Variants in SLC39A10 observed in about 807,000 individuals in gnomAD.
The protein encoded by SLC39A10 is solute carrier family 39 member 10, also known as zinc transporter ZIP10.
Under a neutral mutation model 65.1 loss-of-function variants are expected in SLC39A10, and 13 were observed. That is an observed-to-expected ratio of 0.20 (90% CI 0.13 to 0.32). SLC39A10 has a LOEUF of 0.32. Ranked by LOEUF, SLC39A10 falls within the 10% of genes least tolerant of loss-of-function variation. SLC39A10 has a pLI of 1.00. For missense variants in SLC39A10, 831 were observed against 1,018.4 expected (o/e 0.82, Z 2.50); for synonymous variants, 321 against 342.2 (o/e 0.94, Z 0.68).
chr2:195,641,842 C>T (rs1290714365), intron 2 of SLC39A10, among the ~76,000 whole-genome samples: 1 of 152,098 alleles, frequency 6.6e-6, no homozygotes, highest in Non-Finnish European at 1.5e-5. Flanking sequence ...CAGACGTGCA[C>T]CACCACACCT....
At chr2:195,657,584 C>T (rs1403192391) in intron 1 of SLC39A10, 13 of 982,296 alleles carry the variant, frequency 1.3e-5, no homozygotes, top group Non-Finnish European at 1.5e-5. Flanking sequence ...TGCGGAGCCT[C>T]GCGCCCCCCT....
chr2:195,692,693 CTT>C, intron 3 of SLC39A10, among the ~76,000 whole-genome samples: 1 of 152,102 alleles, frequency 6.6e-6, no homozygotes, highest in Non-Finnish European at 1.5e-5. Flanking sequence ...TATCCTGAAA[CTT>C]TGCTGAATTC....
intron 3 of SLC39A10, among the ~76,000 whole-genome samples, chr2:195,700,884 G>C (rs547500098): frequency 6.6e-6 from 1 of 151,886 alleles, no homozygotes; most frequent in Non-Finnish European, 1.5e-5. Context: ...AATATGTCTT[G>C]GTGTGGGTCT....
At position 195,716,961 on chromosome 2, in the gene SLC39A10, T is replaced by C; in HGVS notation, c.2021T>C (p.Ile674Thr). Reference protein sequence around the residue: ...TGIANIAWMVIMGDGIHNFSD... With the variant: ...TGIANIAWMVTMGDGIHNFSD... ...ATAGCTAATATAGCCTGGATGGTGATCATGGGGGATGGCATCCACAACTTC... is the reference window on the plus strand; with the variant it reads ...ATAGCTAATATAGCCTGGATGGTGACCATGGGGGATGGCATCCACAACTTC... The change falls in exon 7 of 10, where the codon ATC becomes ACC. Residue 674 changes from isoleucine to threonine, a missense_variant. Transcript: ENST00000359634. 6.2e-7 allele frequency: 1 copy of C among 1,614,148 alleles called. No homozygotes were observed. Among genetic ancestry groups the C allele is most frequent in the Non-Finnish European group, 8.5e-7 (1 of 1,180,016 alleles).
At chr2:195,693,434 G>A (rs935611508) in intron 3 of SLC39A10, among the ~76,000 whole-genome samples, 4 of 152,292 alleles carry the variant, frequency 2.6e-5, no homozygotes, top group African/African-American at 9.6e-5. Flanking sequence ...GAATTCAGCT[G>A]TGAATCTGTC....
intron 3 of SLC39A10, among the ~76,000 whole-genome samples, chr2:195,699,555 T>C (rs1216875923): frequency 6.6e-6 from 1 of 152,120 alleles, no homozygotes; most frequent in Non-Finnish European, 1.5e-5. Context: ...TTGTTAAGAA[T>C]ATGTTGTTTA....
chr2:195,668,827 C>CA (rs1325325462), intron 1 of SLC39A10, among the ~76,000 whole-genome samples: 1 of 152,100 alleles, frequency 6.6e-6, no homozygotes, highest in Non-Finnish European at 1.5e-5. Flanking sequence ...CTTTGGGTCA[C>CA]ATCCCAGCAC....
chr2:195,699,237 A>G (rs1464528628), intron 3 of SLC39A10, among the ~76,000 whole-genome samples: 3 of 151,980 alleles, frequency 2.0e-5, no homozygotes, highest in African/African-American at 7.2e-5. Flanking sequence ...ATCTTTTCCA[A>G]GAATCAACTA....
At chr2:195,692,287 C>G (rs2105788993) in intron 3 of SLC39A10, among the ~76,000 whole-genome samples, 1 of 152,266 alleles carries the variant, frequency 6.6e-6, no homozygotes, top group Admixed American at 6.5e-5. Flanking sequence ...GTGATACCTC[C>G]AGATTTGTTC....
chr2:195,713,366 A>G (rs954131447), intron 5 of SLC39A10, 67 bp from the exon 6 acceptor site: 8 of 1,309,498 alleles, frequency 6.1e-6, no homozygotes, highest in East Asian at 2.7e-5. Flanking sequence ...TAATGAGTCA[A>G]TATTGTTGCT....
chr2:195,666,934 T>C (rs1260057950), intron 1 of SLC39A10, among the ~76,000 whole-genome samples: 1 of 152,214 alleles, frequency 6.6e-6, no homozygotes, highest in Admixed American at 6.5e-5. Flanking sequence ...GGTTCCAGGT[T>C]CCCTGTAATG....
chr2:195,696,759 A>G (rs1690978464), intron 3 of SLC39A10, among the ~76,000 whole-genome samples: 1 of 152,140 alleles, frequency 6.6e-6, no homozygotes, highest in Admixed American at 6.5e-5. Context: ...TATATATTGT[A>G]TATTCTTAGA....
At chr2:195,688,447 C>T (rs1301001226) in intron 3 of SLC39A10, among the ~76,000 whole-genome samples, 2 of 152,084 alleles carry the variant, frequency 1.3e-5, no homozygotes, top group Non-Finnish European at 2.9e-5. Context: ...AAACAACTTC[C>T]CATTTCTGCT....
rs1165531664 is a variant in SLC39A10 at position 195,681,384 on chromosome 2, GGCA to G, written c.1008+335_1008+337del. Among the ~76,000 whole-genome samples, 3 of 152,024 alleles carry G rather than the reference GGCA, an allele frequency of 2.0e-5. No homozygotes were observed. The South Asian group carries it at 6.2e-4, about 31-fold the overall frequency. On this transcript the variant is annotated intron_variant, in intron 2 of 9. Coordinates refer to ENST00000359634, the MANE Select transcript of SLC39A10 (RefSeq NM_020342.3). The stretch of plus-strand genomic sequence containing the variant: ...TACTAAAAATACAAAAAATTAGCGG[GGCA>G]TGGTGGCGGGCGCCTGTAGCCCCAG...
Position 195,716,639 on chromosome 2 carries a change from A to G in SLC39A10, c.1699A>G (p.Thr567Ala), listed in dbSNP as rs1194384866. ...CATATCCTTTGCTATAAATACAGGA[A>G]CTGATGACTCGGTTGTTTCTGAAGA... is the stretch of plus-strand genomic sequence containing the variant. ...DWLQLKPLAG[T>A]DDSVVSEDRL... The change falls in exon 7 of 10, where the codon ACT becomes GCT. Residue 567 changes from threonine to alanine, a missense_variant and splice_region_variant. This residue lies in a region of SLC39A10 where 230 missense variants were observed against 242.9 expected (regional missense o/e 0.95). Coordinates refer to ENST00000359634, the MANE Select transcript of SLC39A10 (RefSeq NM_020342.3). The G allele has an allele frequency of 6.3e-7, 1 of 1,597,014 alleles. No individual in the cohort carries two copies. The highest frequency in any genetic ancestry group is 8.5e-7 in the Non-Finnish European group (1 of 1,172,956).
At chr2:195,627,956 C>G (rs915331067) in intron 2 of SLC39A10, among the ~76,000 whole-genome samples, 3 of 152,100 alleles carry the variant, frequency 2.0e-5, no homozygotes, top group Non-Finnish European at 4.4e-5. Flanking sequence ...AAATATGGAC[C>G]TCTGGTATAA....
rs150529446 is a variant in SLC39A10, at chr2:195,715,490, C to T, written c.1697-1147C>T. ...GCAGTGAGCCAAGATCGCGCCATTG[C>T]GCTCCAGCCTGGGTGACAGAGTGAG... On this transcript the variant is annotated intron_variant, in intron 6 of 9. Coordinates refer to ENST00000359634, the MANE Select transcript of SLC39A10 (RefSeq NM_020342.3). Among the ~76,000 whole-genome samples, 1,074 of 139,438 alleles carry T rather than the reference C, an allele frequency of 7.7e-3. 68 individuals carry two copies. The East Asian group carries it at 0.16, about 21-fold the overall frequency. 91.5% of individuals were successfully genotyped at this position (139,438 alleles called of 152,430 possible).
intron 2 of SLC39A10, among the ~76,000 whole-genome samples, chr2:195,635,095 C>T (rs890153262): frequency 6.6e-6 from 1 of 152,102 alleles, no homozygotes; most frequent in Non-Finnish European, 1.5e-5. Context: ...CAAAAGAACA[C>T]TGACATCAAT....
intron 2 of SLC39A10, among the ~76,000 whole-genome samples, 162 bp downstream of exon 2, chr2:195,681,212 A>C (rs565929595): frequency 6.6e-6 from 1 of 152,310 alleles, no homozygotes; most frequent in Admixed American, 6.5e-5. Context: ...AGAATACATT[A>C]AGGAATCAGA....
Sources: gnomAD v4.1 joint callset for allele counts (sites outside exome capture counted in the v4.1 genomes callset) on GRCh38, gnomAD v4.1.1 for gene constraint, gnomAD v4.1.1 regional missense constraint, MANE v1.5 for transcripts, NCBI Gene and HGNC (gene_info 2026-07-23, HGNC 2026-07-21) for gene names.